Variants in AKAP19 observed in about 807,000 individuals in gnomAD.
AKAP19 encodes the protein small A-kinase anchoring protein.
chr2:190,169,430 G>A, the AKAP19 span, among the ~76,000 whole-genome samples: 1 of 152,240 alleles, frequency 6.6e-6, no homozygotes, highest in Admixed American at 6.5e-5. Flanking sequence ...ATCTCACTAA[G>A]AGCATGAGGC....
At chr2:190,149,612 C>G in the AKAP19 span, among the ~76,000 whole-genome samples, 3 of 152,042 alleles carry the variant, frequency 2.0e-5, no homozygotes. Flanking sequence ...ATTTAATTTC[C>G]ATATATTTGC....
At chr2:190,063,162 T>C in the AKAP19 span, among the ~76,000 whole-genome samples, 1 of 152,238 alleles carries the variant, frequency 6.6e-6, no homozygotes, top group South Asian at 2.1e-4. Flanking sequence ...ATTTGTTGTA[T>C]TAAATTATTT....
the AKAP19 span, among the ~76,000 whole-genome samples, chr2:189,938,723 T>C: frequency 6.6e-6 from 1 of 152,240 alleles, no homozygotes; most frequent in Non-Finnish European, 1.5e-5. Context: ...ATAATTGGAC[T>C]GTTTATAACA....
the AKAP19 span, among the ~76,000 whole-genome samples, chr2:190,058,705 C>T: frequency 6.6e-6 from 1 of 151,872 alleles, no homozygotes; most frequent in Non-Finnish European, 1.5e-5. Flanking sequence ...TCTTTTGCAG[C>T]AAATTAGATG....
the AKAP19 span, among the ~76,000 whole-genome samples, chr2:189,931,872 C>T: frequency 6.6e-6 from 1 of 152,156 alleles, no homozygotes; most frequent in South Asian, 2.1e-4. Context: ...ATCTACCCAC[C>T]TTGTCCTCTT....
the AKAP19 span, among the ~76,000 whole-genome samples, chr2:190,103,042 T>C: frequency 5.9e-5 from 9 of 152,214 alleles, no homozygotes; most frequent in South Asian, 1.9e-3. Flanking sequence ...GTTCAACATA[T>C]GCAAATCAAA....
chr2:190,008,621 C>A, the AKAP19 span, among the ~76,000 whole-genome samples: 3 of 152,018 alleles, frequency 2.0e-5, no homozygotes, highest in Non-Finnish European at 4.4e-5. Flanking sequence ...CCAGCTTATG[C>A]ACAGTTTTTT....
the AKAP19 span, among the ~76,000 whole-genome samples, chr2:190,142,138 G>A: frequency 7.8e-4 from 118 of 152,254 alleles, no homozygotes; most frequent in African/African-American, 2.7e-3. Context: ...ACTGATTTCA[G>A]CCAGCTTCAT....
the AKAP19 span, among the ~76,000 whole-genome samples, chr2:190,188,227 T>C: frequency 2.0e-5 from 3 of 152,220 alleles, no homozygotes; most frequent in East Asian, 5.8e-4. Flanking sequence ...TCTAAACACA[T>C]AGTAGACACT....
the AKAP19 span, chr2:190,150,197 A>C: frequency 1.1e-3 from 168 of 152,384 alleles, no homozygotes; most frequent in African/African-American, 3.9e-3. Context: ...GAGTCTGCAC[A>C]CAGGATTTGC....
At chr2:189,997,269 G>T in the AKAP19 span, among the ~76,000 whole-genome samples, 1 of 152,194 alleles carries the variant, frequency 6.6e-6, no homozygotes, top group Non-Finnish European at 1.5e-5. Flanking sequence ...ATATTAGAAG[G>T]GGAATATAAG....
chr2:190,177,835 G>T, the AKAP19 span, among the ~76,000 whole-genome samples: 3 of 152,168 alleles, frequency 2.0e-5, no homozygotes, highest in Non-Finnish European at 4.4e-5. The surrounding 1 kb of genome is among the most constrained non-coding windows in gnomAD (Gnocchi z 4.6). Flanking sequence ...CTCAGTATTT[G>T]TTTCCTGTCA....
At chr2:189,940,385 G>C in the AKAP19 span, among the ~76,000 whole-genome samples, 11 of 151,866 alleles carry the variant, frequency 7.2e-5, no homozygotes, top group Non-Finnish European at 1.6e-4. Context: ...GGCGGAGCTT[G>C]CAGTGAGCTG....
chr2:189,928,116 T>A, the AKAP19 span, among the ~76,000 whole-genome samples: 1 of 152,190 alleles, frequency 6.6e-6, no homozygotes, highest in South Asian at 2.1e-4. Context: ...GTCCTTAACA[T>A]TTTTCAAGAG....
chr2:189,932,428 C>A, the AKAP19 span, among the ~76,000 whole-genome samples: 1 of 142,736 alleles, frequency 7.0e-6, no homozygotes, highest in Non-Finnish European at 1.5e-5. Flanking sequence ...AAAAAAAAGT[C>A]ATTCTATTCA....
At chr2:189,973,806 A>G in the AKAP19 span, among the ~76,000 whole-genome samples, 7 of 151,982 alleles carry the variant, frequency 4.6e-5, no homozygotes, top group Admixed American at 4.6e-4. Flanking sequence ...GGTAGTTTGT[A>G]TTTCTTTGGG....
At chr2:189,985,832 C>T in the AKAP19 span, among the ~76,000 whole-genome samples, 7 of 152,002 alleles carry the variant, frequency 4.6e-5, no homozygotes, top group East Asian at 1.9e-4. Flanking sequence ...TGTTATACAA[C>T]AATAGAAAAT....
the AKAP19 span, among the ~76,000 whole-genome samples, chr2:189,927,648 A>G: frequency 6.6e-6 from 1 of 152,186 alleles, no homozygotes; most frequent in South Asian, 2.1e-4. Flanking sequence ...GATGCTCCTT[A>G]ACCTCTAAAC....
the AKAP19 span, among the ~76,000 whole-genome samples, chr2:190,091,473 G>T: frequency 6.6e-6 from 1 of 151,670 alleles, no homozygotes; most frequent in East Asian, 1.9e-4. Flanking sequence ...TGAAAGTAAA[G>T]AACTGTTTCC....
Sources: allele counts gnomAD v4.1 joint callset (sites outside exome capture counted in the v4.1 genomes callset), GRCh38; gene constraint gnomAD v4.1.1; non-coding constraint Gnocchi (gnomAD v3.1); transcripts MANE v1.5; gene names NCBI Gene and HGNC (gene_info 2026-07-23, HGNC 2026-07-21).